SPATA20: variants seen among roughly 807,000 people sequenced by gnomAD.
The protein encoded by SPATA20 is spermatogenesis-associated protein 20.
A neutral mutation model predicts 98.9 loss-of-function variants in SPATA20; 74 were observed. The observed-to-expected ratio is 0.75, with a 90% confidence interval of 0.62 to 0.91. The LOEUF is 0.91. Ranked by LOEUF, SPATA20 falls within the 40% of genes least tolerant of loss-of-function variation. SPATA20 has a pLI of 0.00. For missense variants in SPATA20, 1,016 were observed against 1,069.8 expected (o/e 0.95, Z 0.70); for synonymous variants, 430 against 440.5 (o/e 0.98, Z 0.30).
At position 50,550,572 on chromosome 17, in the gene SPATA20, G is replaced by C. The variant is rs201867412; in HGVS notation, c.1135G>C (p.Gly379Arg). ...GDEFYSDVAKGILQYVARSLS... is the reference protein window; with the variant it reads ...GDEFYSDVAKRILQYVARSLS... Reference sequence around the variant, plus strand: ...TGAATTCTACTCTGACGTGGCCAAAGGCATCCTGCAGTACGTGGCTCGGAG... The same window carrying C: ...TGAATTCTACTCTGACGTGGCCAAACGCATCCTGCAGTACGTGGCTCGGAG... Residue 379 changes from glycine to arginine, a missense_variant, in exon 10 of 17, where the codon GGC (glycine) becomes CGC (arginine). Gly to Arg is a moderately radical substitution (Grantham distance 125). Transcript: ENST00000006658. 12 of 1,614,186 alleles carry C rather than the reference G, an allele frequency of 7.4e-6. No homozygotes were observed. In the Admixed American group the frequency reaches 8.3e-5, roughly 11 times the overall value.
chr17:50,548,278 G>C lies in SPATA20; in HGVS notation c.126-5G>C. On this transcript the variant is annotated splice_polypyrimidine_tract_variant and splice_region_variant and intron_variant, in intron 2 of 16. Coordinates refer to ENST00000006658, the MANE Select transcript of SPATA20 (RefSeq NM_022827.4). ...TGGCTTGCCTGATGCACCAGTCCTC[G>C]CCAGGGGTAGCTCCTCCCGGGACAA... 1 of 1,612,648 alleles carries C rather than the reference G, an allele frequency of 6.2e-7. No individual in the cohort carries two copies. Among genetic ancestry groups the C allele is most frequent in the Non-Finnish European group, 8.5e-7 (1 of 1,179,544 alleles).
chr17:50,550,662 C>T (rs1199263755), intron 10 of SPATA20, 46 bp from the exon 11 acceptor site: 1 of 1,612,926 alleles, frequency 6.2e-7, no homozygotes, highest in Admixed American at 1.7e-5. Context: ...GTTGGGGCCT[C>T]CACTGCCCTG....
rs778526683 is a variant in SPATA20, at chr17:50,551,039, C to T, written c.1425C>T (p.Val475=). 32 of 1,613,316 alleles carry T rather than the reference C, an allele frequency of 2.0e-5. No homozygotes were observed. The highest frequency in any genetic ancestry group is 5.3e-5 in the African/African-American group (4 of 74,940). The change falls in exon 12 of 17, where the codon GTC becomes GTT. Residue 475 remains valine, a synonymous_variant. Transcript: ENST00000006658. ...TGCAGGGCCAGAATGTGCTGACCGTCCGGTACTCGCTGGAGCTGACTGCTG... is the reference window on the plus strand; with the variant it reads ...TGCAGGGCCAGAATGTGCTGACCGTTCGGTACTCGCTGGAGCTGACTGCTG... ...GELQGQNVLT[V]RYSLELTAAR...
chr17:50,549,250 CT>C (rs779813512), intron 6 of SPATA20, 35 bp from the exon 7 acceptor site: 10 of 1,602,718 alleles, frequency 6.2e-6, no homozygotes, highest in African/African-American at 2.7e-5. Context: ...GCCCCTCCCC[CT>C]AGCTGACCTC....
rs753569886 is a variant in SPATA20 at position 50,551,107 on chromosome 17, A to C, written c.1493A>C (p.Asn498Thr). Residue 498 changes from asparagine to threonine, a missense_variant, in exon 12 of 17, where the codon AAT (asparagine) becomes ACT (threonine). Physicochemically the swap from Asn to Thr is moderately conservative, Grantham distance 65. Coordinates refer to ENST00000006658, the MANE Select transcript of SPATA20 (RefSeq NM_022827.4). ...GTGGAGGCCGTGCGGACCTTGCTCA[A>C]TTCAGGGCTGGAGAAGCTCTTCCAG... ...LDVEAVRTLLNSGLEKLFQAR... is the reference protein window; with the variant it reads ...LDVEAVRTLLTSGLEKLFQAR... The C allele has an allele frequency of 1.9e-6, 3 of 1,612,700 alleles. No homozygotes were observed. The highest frequency in any genetic ancestry group is 1.1e-5 in the South Asian group (1 of 91,060).
At position 50,552,117 on chromosome 17, in the gene SPATA20, G is replaced by A; in HGVS notation, c.1894G>A (p.Gly632Ser). The A allele has an allele frequency of 6.2e-7, 1 of 1,613,838 alleles. No individual in the cohort carries two copies. The highest frequency in any genetic ancestry group is 2.2e-5 in the East Asian group (1 of 44,876). Reference protein sequence around the residue: ...TQDKLFWDSQGGGYFCSEAEL... With the variant: ...TQDKLFWDSQSGGYFCSEAEL... The stretch of plus-strand genomic sequence containing the variant: ...GGACAAGCTCTTTTGGGACTCCCAG[G>A]GTGGCGGCTACTTCTGCAGTGAGGC... Residue 632 changes from glycine (G) to serine (S), a missense_variant, in exon 14 of 17, where the codon GGT (glycine) becomes AGT (serine). Coordinates refer to ENST00000006658, the MANE Select transcript of SPATA20 (RefSeq NM_022827.4).
chr17:50,548,507 C>A, intron 3 of SPATA20, 47 bp from the exon 4 acceptor site: 1 of 1,613,374 alleles, frequency 6.2e-7, no homozygotes, highest in Non-Finnish European at 8.5e-7. Flanking sequence ...TGGGCCCCTC[C>A]CAGACCCCCT....
At chr17:50,555,336 C>T (rs2035097787) in intron 16 of SPATA20, 24 bp downstream of exon 16, 2 of 1,608,608 alleles carry the variant, frequency 1.2e-6, no homozygotes, top group African/African-American at 1.3e-5. Flanking sequence ...TGAGCCCAAT[C>T]TGCCACCTCC....
At position 50,549,180 on chromosome 17, in the gene SPATA20, A is replaced by G. The variant is rs2034967644; in HGVS notation, c.654A>G (p.Arg218=). The G allele has an allele frequency of 6.3e-7, 1 of 1,595,670 alleles. No homozygotes were observed. The highest frequency in any genetic ancestry group is 8.6e-7 in the Non-Finnish European group (1 of 1,167,726). ...VGFRTVLLRI[R]EQWKQNKNTL... ...TCCGCACAGTGTTGCTGAGAATACG[A>G]GAACAGGTGGGTGTGCCTCCGGGAG... is the stretch of plus-strand genomic sequence containing the variant. Residue 218 remains arginine, a synonymous_variant, in exon 6 of 17, where the codon CGA becomes CGG. Transcript: ENST00000006658.
rs1035796385 is a variant in SPATA20, at chr17:50,547,187, G to A, written c.-22G>A. ...ACTTCCCTTCCTGTCCTCAGCGGCC[G>A]GGCCCACGGCCCCGAGCAGCCATGC... On this transcript the variant is annotated 5_prime_UTR_variant, in exon 1 of 17. Transcript: ENST00000006658. The A allele has an allele frequency of 1.9e-5, 27 of 1,416,892 alleles. No homozygotes were observed. Among genetic ancestry groups the A allele is most frequent in the Admixed American group, 3.2e-5 (1 of 31,694 alleles). 87.8% of individuals were successfully genotyped at this position (1,416,892 alleles called of 1,614,324 possible). A position where few individuals can be genotyped will look rare whatever the true frequency, so the allele number is the denominator to read the frequency against.
intron 1 of SPATA20, 136 bp downstream of exon 1, chr17:50,547,421 C>G: frequency 1.4e-6 from 1 of 737,642 alleles, no homozygotes. Flanking sequence ...ACCCCACCTC[C>G]GGTCTGCTCC....
intron 14 of SPATA20, among the ~76,000 whole-genome samples, chr17:50,552,418 G>A (rs1202745933): frequency 1.3e-5 from 2 of 151,786 alleles, no homozygotes; most frequent in East Asian, 3.9e-4. Flanking sequence ...CTCCCACCTC[G>A]GCCTCCCAAA....
chr17:50,551,913 A>G, intron 13 of SPATA20, 56 bp from the exon 14 acceptor site: 1 of 1,462,354 alleles, frequency 6.8e-7, no homozygotes, highest in Non-Finnish European at 9.3e-7. Context: ...CTCCTCTGGG[A>G]AAGGCCCTCT....
chr17:50,549,227 C>T (rs1228253689), intron 6 of SPATA20, 41 bp downstream of exon 6: 1 of 1,596,080 alleles, frequency 6.3e-7, no homozygotes, highest in Non-Finnish European at 8.6e-7. Flanking sequence ...GGGTGGGGGA[C>T]TAGGAAACAA....
Position 50,547,856 on chromosome 17 carries a change from G to A in SPATA20, c.125+89G>A, listed in dbSNP as rs749275148. On this transcript the variant is annotated intron_variant, in intron 2 of 16. Coordinates refer to ENST00000006658, the MANE Select transcript of SPATA20 (RefSeq NM_022827.4). Reference sequence around the variant, plus strand: ...TCCCAGACCCTACTGATCTTGGCCTGTCCAGCCACCAACAGTAGGCTGCCT... The same window carrying A: ...TCCCAGACCCTACTGATCTTGGCCTATCCAGCCACCAACAGTAGGCTGCCT... 8.7e-6 allele frequency: 9 copies of A among 1,032,560 alleles called. No individual in the cohort carries two copies. In the East Asian group the frequency reaches 1.7e-4, roughly 19 times the overall value. 64.0% of individuals were successfully genotyped at this position (1,032,560 alleles called of 1,614,324 possible). A position where few individuals can be genotyped will look rare whatever the true frequency, so the allele number is the denominator to read the frequency against.
chr17:50,555,352 G>GCTGC (rs765602886), intron 16 of SPATA20, 40 bp downstream of exon 16: 37 of 1,601,864 alleles, frequency 2.3e-5, no homozygotes, highest in Non-Finnish European at 4.3e-6. Flanking sequence ...CCTCCCCAGA[G>GCTGC]CTGCCCCCTC....
chr17:50,555,449 C>A, intron 16 of SPATA20, 43 bp from the exon 17 acceptor site: 2 of 1,609,990 alleles, frequency 1.2e-6, no homozygotes, highest in Non-Finnish European at 1.7e-6. Context: ...GGCAGGTGAC[C>A]CCACCCCGGC....
Position 50,554,388 on chromosome 17 carries a change from G to T in SPATA20, c.2095G>T (p.Val699Phe). 6.2e-7 allele frequency: 1 copy of T among 1,614,072 alleles called. No homozygotes were observed. The highest frequency in any genetic ancestry group is 8.5e-7 in the Non-Finnish European group (1 of 1,180,026). The change falls in exon 15 of 17, where the codon GTC (valine) becomes TTC (phenylalanine). Residue 699 changes from valine to phenylalanine, a missense_variant. Physicochemically the swap from Val to Phe is conservative, Grantham distance 50. Transcript: ENST00000006658. ...LTAFSERMRR[V>F]PVALPEMVRA... ...CGCCTTTTCCGAGCGCATGCGTCGT[G>T]TCCCGGTGGCGTTGCCCGAGATGGT...
intron 1 of SPATA20, 49 bp downstream of exon 1, chr17:50,547,334 G>A: frequency 7.3e-7 from 1 of 1,375,208 alleles, no homozygotes; most frequent in Non-Finnish European, 9.5e-7. Context: ...GCCTGCCTGC[G>A]GGCCCAGTGG....
Sources: gnomAD v4.1 joint callset for allele counts (sites outside exome capture counted in the v4.1 genomes callset) on GRCh38, gnomAD v4.1.1 for gene constraint, MANE v1.5 for transcripts, NCBI Gene and HGNC (gene_info 2026-07-23, HGNC 2026-07-21) for gene names.